Variants in FARP1 observed in about 807,000 individuals in gnomAD.
The protein encoded by FARP1 is FERM, ARH/RhoGEF and pleckstrin domain protein 1.
FARP1 carries 52 observed loss-of-function variants against 128.8 expected under a neutral mutation model. The observed-to-expected ratio is 0.40, with a 90% CI of 0.32 to 0.51. FARP1 has a LOEUF of 0.51. Ranked by LOEUF, FARP1 falls within the 20% of genes least tolerant of loss-of-function variation. The pLI is 0.45. For missense variants in FARP1, 1,333 were observed against 1,367.9 expected, an observed-to-expected ratio of 0.97 and a Z score of 0.40; for synonymous variants, 580 against 551.8, an observed-to-expected ratio of 1.05 and a Z score of -0.72.
chr13:98,263,420 T>C (rs114828383), intron 2 of FARP1, among the ~76,000 whole-genome samples: 210 of 152,380 alleles, frequency 1.4e-3, no homozygotes, highest in African/African-American at 4.6e-3. Context: ...ATTTCTGTTA[T>C]TAAAAAACTT....
chr13:98,306,127 A>G (rs1364072480), intron 2 of FARP1, among the ~76,000 whole-genome samples: 2 of 152,146 alleles, frequency 1.3e-5, no homozygotes, highest in Admixed American at 6.6e-5. Flanking sequence ...GCTGATTGCA[A>G]CGTTTGCGCT....
At chr13:98,421,429 C>T (rs1891587788) in intron 16 of FARP1, among the ~76,000 whole-genome samples, 2 of 152,148 alleles carry the variant, frequency 1.3e-5, no homozygotes, top group Non-Finnish European at 2.9e-5. Context: ...AGCCAGAATC[C>T]TCCCCATTTC....
At chr13:98,424,802 C>T (rs1891718786) in intron 17 of FARP1, 152 bp downstream of exon 17, 1 of 652,608 alleles carries the variant, frequency 1.5e-6, no homozygotes, top group Non-Finnish European at 2.8e-6. Context: ...CGAGCAGCAG[C>T]TTACAGCCCA....
In FARP1 at chr13:98,175,855, C is replaced by T. The variant is rs190157119; in HGVS notation, c.-24+32363C>T. ...GTTCATTCTAGTTGTAGCATGTGAT[C>T]CTTAAAAGGATCAGTTTAAATCTTT... On this transcript the variant is annotated intron_variant, in intron 1 of 26. Transcript: ENST00000319562. The T allele has an allele frequency of 9.4e-5, 33 of 350,416 alleles. No individual in the cohort carries two copies. The East Asian group carries it at 1.5e-3, about 16-fold the overall frequency. 21.7% of individuals were successfully genotyped at this position (350,416 alleles called of 1,614,324 possible).
intron 2 of FARP1, among the ~76,000 whole-genome samples, chr13:98,310,016 T>C (rs1444781832): frequency 6.8e-6 from 1 of 147,888 alleles, no homozygotes; most frequent in Non-Finnish European, 1.5e-5. Context: ...TTTACGCCGA[T>C]GGGACCATCC....
At chr13:98,296,026 G>C (rs2139681652) in intron 2 of FARP1, among the ~76,000 whole-genome samples, 1 of 152,258 alleles carries the variant, frequency 6.6e-6, no homozygotes, top group South Asian at 2.1e-4. Flanking sequence ...GCCTCACCTG[G>C]GGAGCTTTTT....
At chr13:98,417,130 A>G (rs1028377384) in intron 16 of FARP1, among the ~76,000 whole-genome samples, 2 of 152,152 alleles carry the variant, frequency 1.3e-5, no homozygotes, top group Non-Finnish European at 2.9e-5. Context: ...AGGGAAGTCA[A>G]AGAAGCCAGG....
intron 11 of FARP1, among the ~76,000 whole-genome samples, chr13:98,392,323 C>CAAAAAAAAAAAAAAAAAAA (rs11289484): frequency 1.5e-4 from 9 of 60,420 alleles, no homozygotes; most frequent in African/African-American, 4.6e-4. Flanking sequence ...CATCTCTACC[C>CAAAAAAAAAAAAAAAAAAA]AAAAAAAAAA....
At chr13:98,245,178 A>G in intron 2 of FARP1, 2 of 990,468 alleles carry the variant, frequency 2.0e-6, no homozygotes, top group Non-Finnish European at 2.4e-6. Flanking sequence ...TAAAAGGAGT[A>G]CCTCATTTAC....
At chr13:98,410,293 C>T (rs758560686) in intron 14 of FARP1, among the ~76,000 whole-genome samples, 5 of 152,362 alleles carry the variant, frequency 3.3e-5, no homozygotes, top group South Asian at 2.1e-4. Context: ...TGATCTCACC[C>T]CTGTCCCTTT....
chr13:98,189,629 C>T (rs781646413), intron 1 of FARP1, among the ~76,000 whole-genome samples: 3 of 152,262 alleles, frequency 2.0e-5, no homozygotes, highest in East Asian at 1.9e-4. Context: ...AAATTAAATA[C>T]GTATTCGAGA....
At chr13:98,219,634 C>T (rs1356280819) in intron 2 of FARP1, among the ~76,000 whole-genome samples, 2 of 151,882 alleles carry the variant, frequency 1.3e-5, no homozygotes, top group African/African-American at 2.4e-5. Flanking sequence ...CACCCAGCCA[C>T]ATATTTTTTA....
intron 16 of FARP1, among the ~76,000 whole-genome samples, chr13:98,413,829 C>T (rs1230920724): frequency 6.6e-6 from 1 of 152,178 alleles, no homozygotes; most frequent in African/African-American, 2.4e-5. Flanking sequence ...GCAGTTTGTT[C>T]TCTGGCCAGC....
rs1040840428 is a variant in FARP1, at chr13:98,380,649, C to T, written c.496+2731C>T. ...AGCGTAGTCTCTCAATCATGGCTCA[C>T]TGCAGCCTCGACCTCCTGGAATCAG... On this transcript the variant is annotated intron_variant, in intron 6 of 26. Transcript: ENST00000319562. Among the ~76,000 whole-genome samples the T allele has an allele frequency of 4.6e-5, 7 of 152,170 alleles. No homozygotes were observed. The South Asian group carries it at 6.2e-4, about 14-fold the overall frequency.
At chr13:98,441,500 G>A (rs1285592414) in intron 24 of FARP1, among the ~76,000 whole-genome samples, 1 of 152,240 alleles carries the variant, frequency 6.6e-6, no homozygotes, top group Non-Finnish European at 1.5e-5. Context: ...GTGCCAGGAG[G>A]GCGAAAGGAG....
At chr13:98,348,424 G>C (rs945879976) in intron 3 of FARP1, among the ~76,000 whole-genome samples, 2 of 152,378 alleles carry the variant, frequency 1.3e-5, no homozygotes, top group Non-Finnish European at 2.9e-5. Flanking sequence ...GGCTGGGAAA[G>C]GGCCAGAAAG....
intron 2 of FARP1, among the ~76,000 whole-genome samples, chr13:98,251,212 CAAAG>C (rs1470891532): frequency 6.6e-6 from 1 of 152,170 alleles, no homozygotes; most frequent in Non-Finnish European, 1.5e-5. Flanking sequence ...GCCCATTTCT[CAAAG>C]AAAGAAGTGA....
intron 2 of FARP1, among the ~76,000 whole-genome samples, chr13:98,252,202 G>T (rs1249921865): frequency 6.6e-6 from 1 of 152,158 alleles, no homozygotes; most frequent in Admixed American, 6.5e-5. Context: ...CATATTAGGA[G>T]ATTAGAGTTA....
intron 1 of FARP1, among the ~76,000 whole-genome samples, chr13:98,201,953 T>A (rs1277904023): frequency 2.6e-5 from 4 of 152,232 alleles, no homozygotes; most frequent in Non-Finnish European, 4.4e-5. Flanking sequence ...CTGTTTGAAG[T>A]GTCTGGTTGA....
Sources: gnomAD v4.1 joint callset for allele counts (sites outside exome capture counted in the v4.1 genomes callset) on GRCh38, gnomAD v4.1.1 for gene constraint, MANE v1.5 for transcripts, NCBI Gene and HGNC (gene_info 2026-07-23, HGNC 2026-07-21) for gene names.